The following SLC4A10 variants were observed in gnomAD, a reference collection of about 807,000 sequenced individuals.
The protein encoded by SLC4A10 is sodium-driven chloride bicarbonate exchanger.
Under a neutral mutation model 137.7 loss-of-function variants are expected in SLC4A10, and 42 were observed. The ratio of observed to expected loss-of-function variants is 0.30; its 90% CI spans 0.24 to 0.39. The LOEUF (loss-of-function observed/expected upper bound fraction) is 0.39, where lower values mean the gene tolerates loss of function less well. Ranked by LOEUF, SLC4A10 falls within the 10% of genes least tolerant of loss-of-function variation. SLC4A10 has a pLI of 1.00. For synonymous variants in SLC4A10, 474 were observed against 464.1 expected (o/e 1.02, Z -0.27); for missense variants, 925 against 1,355.0 (o/e 0.68, Z 4.98).
At chr2:161,910,054 A>G (rs1225380883) in intron 15 of SLC4A10, among the ~76,000 whole-genome samples, 2 of 152,128 alleles carry the variant, frequency 1.3e-5, no homozygotes, top group Non-Finnish European at 2.9e-5. Context: ...TGAGATTGCA[A>G]CCTTTGCAAA....
intron 19 of SLC4A10, among the ~76,000 whole-genome samples, chr2:161,953,100 T>C (rs957670204): frequency 2.6e-5 from 4 of 152,160 alleles, no homozygotes; most frequent in Admixed American, 2.6e-4. Flanking sequence ...TTCCCCGAAA[T>C]TGTTTAATGA....
At chr2:161,671,771 A>G (rs2039750917) in intron 1 of SLC4A10, among the ~76,000 whole-genome samples, 1 of 152,244 alleles carries the variant, frequency 6.6e-6, no homozygotes, top group Admixed American at 6.5e-5. Context: ...TGGGAAATTT[A>G]TAGCTTTTAA....
At chr2:161,939,115 C>T (rs868300606) in intron 15 of SLC4A10, among the ~76,000 whole-genome samples, 18 of 152,034 alleles carry the variant, frequency 1.2e-4, no homozygotes, top group South Asian at 8.3e-4. Context: ...CTCGCTCTGT[C>T]GCCAGGCAGA....
At chr2:161,925,288 G>A (rs1310157720) in intron 15 of SLC4A10, among the ~76,000 whole-genome samples, 3 of 152,166 alleles carry the variant, frequency 2.0e-5, no homozygotes, top group Non-Finnish European at 4.4e-5. Context: ...GGGTGTATGT[G>A]TCGAGGAATT....
chr2:161,681,839 T>C (rs2040886382), intron 1 of SLC4A10, among the ~76,000 whole-genome samples: 1 of 152,154 alleles, frequency 6.6e-6, no homozygotes, highest in Non-Finnish European at 1.5e-5. Flanking sequence ...GATCATGGAA[T>C]TATGTTGACA....
At chr2:161,650,039 C>A (rs557595578) in intron 1 of SLC4A10, among the ~76,000 whole-genome samples, 1 of 152,272 alleles carries the variant, frequency 6.6e-6, no homozygotes, top group African/African-American at 2.4e-5. Context: ...CTATAGATTA[C>A]ATTCATATTT....
chr2:161,799,612 G>A (rs2055164239), intron 2 of SLC4A10, among the ~76,000 whole-genome samples: 2 of 151,868 alleles, frequency 1.3e-5, no homozygotes, highest in African/African-American at 4.8e-5. Flanking sequence ...AGGGAAAAGG[G>A]AACTAACATG....
intron 12 of SLC4A10, chr2:161,902,290 T>C (rs1371950190): frequency 1.1e-5 from 2 of 184,908 alleles, no homozygotes; most frequent in Non-Finnish European, 2.3e-5. Flanking sequence ...AATGGTCTAA[T>C]ATAAAGTGCT....
At chr2:161,797,823 G>A (rs899866949) in intron 2 of SLC4A10, among the ~76,000 whole-genome samples, 1 of 152,010 alleles carries the variant, frequency 6.6e-6, no homozygotes, top group Non-Finnish European at 1.5e-5. Context: ...ATGTGCCACA[G>A]TACCTTCTAA....
At chr2:161,818,555 C>A (rs2057327661) in intron 3 of SLC4A10, among the ~76,000 whole-genome samples, 1 of 152,108 alleles carries the variant, frequency 6.6e-6, no homozygotes, top group Non-Finnish European at 1.5e-5. Context: ...TGTCTTGTGC[C>A]AGTTTTCAAA....
intron 1 of SLC4A10, among the ~76,000 whole-genome samples, chr2:161,722,207 C>A (rs776778462): frequency 6.6e-6 from 1 of 152,294 alleles, no homozygotes; most frequent in South Asian, 2.1e-4. Context: ...ACCCTCAGCC[C>A]GGTTCTATGC....
At position 161,797,789 on chromosome 2, in the gene SLC4A10, T is replaced by C. The variant is rs191378548; in HGVS notation, c.131-6660T>C. 5.8e-4 allele frequency among the ~76,000 whole-genome samples: 89 copies of C among 152,208 alleles called. 1 individual carries two copies. Among genetic ancestry groups the C allele is most frequent in the African/African-American group, 2.0e-3 (82 of 41,562 alleles). ...TTTTGCTCAAGACGGTGTTATAAAC[T>C]TGTAAGAAACAGTATTTTTGAAAAT... On this transcript the variant is annotated intron_variant, in intron 2 of 26. Transcript: ENST00000446997.
intron 15 of SLC4A10, among the ~76,000 whole-genome samples, chr2:161,937,518 G>A (rs2105711218): frequency 6.6e-6 from 1 of 151,966 alleles, no homozygotes; most frequent in East Asian, 1.9e-4. Flanking sequence ...AGTTTTCCTT[G>A]AACACCCAGA....
intron 1 of SLC4A10, among the ~76,000 whole-genome samples, chr2:161,668,664 T>C (rs572347801): frequency 1.2e-4 from 19 of 152,046 alleles, no homozygotes; most frequent in Non-Finnish European, 2.4e-4. Context: ...TTTCATTACA[T>C]ATATTTCAAT....
At chr2:161,704,812 G>A (rs1334061366) in intron 1 of SLC4A10, among the ~76,000 whole-genome samples, 2 of 151,392 alleles carry the variant, frequency 1.3e-5, no homozygotes, top group Non-Finnish European at 3.0e-5. Context: ...TTCTCTTATT[G>A]TTTCTACTTT....
intron 3 of SLC4A10, among the ~76,000 whole-genome samples, chr2:161,810,517 C>G (rs893357814): frequency 6.6e-6 from 1 of 151,830 alleles, no homozygotes; most frequent in African/African-American, 2.4e-5. Context: ...ATAGATGGCT[C>G]TTATTGTTTT....
intron 1 of SLC4A10, among the ~76,000 whole-genome samples, chr2:161,651,685 C>G (rs567184881): frequency 1.3e-5 from 2 of 152,346 alleles, no homozygotes; most frequent in South Asian, 2.1e-4. Flanking sequence ...CCTGCTGCAG[C>G]CTTGCACGGA....
intron 3 of SLC4A10, among the ~76,000 whole-genome samples, chr2:161,822,591 A>G (rs2057714721): frequency 6.6e-6 from 1 of 152,202 alleles, no homozygotes; most frequent in Non-Finnish European, 1.5e-5. Context: ...CTTGAACAAT[A>G]TGGGTTTGAA....
rs2060532511 is a variant in SLC4A10 at position 161,863,189 on chromosome 2, C to A, written c.766+127C>A. On this transcript the variant is annotated intron_variant, in intron 6 of 26. Transcript: ENST00000446997. Reference sequence around the variant, plus strand: ...TTGAAATTCAGATTATTGTAGAATTCTTTTCACATGAGTATATATTCTTAT... The same window carrying A: ...TTGAAATTCAGATTATTGTAGAATTATTTTCACATGAGTATATATTCTTAT... 9.0e-6 allele frequency: 8 copies of A among 884,956 alleles called. No individual in the cohort carries two copies. In the South Asian group the frequency reaches 2.1e-4, roughly 23 times the overall value. The allele number at this position is 884,956 out of a possible 1,614,324, so 54.8% of individuals were successfully genotyped here.
Sources: allele counts gnomAD v4.1 joint callset (sites outside exome capture counted in the v4.1 genomes callset), GRCh38; gene constraint gnomAD v4.1.1; transcripts MANE v1.5; gene names NCBI Gene and HGNC (gene_info 2026-07-23, HGNC 2026-07-21).